CRIM1: variants seen among roughly 807,000 people sequenced by gnomAD.
CRIM1 encodes the protein cysteine rich transmembrane BMP regulator 1.
Under a neutral mutation model 116.4 loss-of-function variants are expected in CRIM1, and 32 were observed. The observed-to-expected ratio is 0.27, with a 90% CI of 0.21 to 0.37. The LOEUF (loss-of-function observed/expected upper bound fraction) is 0.37, where lower values mean the gene tolerates loss of function less well. Ranked by LOEUF, CRIM1 falls within the 10% of genes least tolerant of loss-of-function variation. CRIM1 has a pLI of 1.00. For missense variants in CRIM1, 1,331 were observed against 1,354.8 expected (o/e 0.98, Z 0.28); for synonymous variants, 590 against 509.2 (o/e 1.16, Z -2.13).
intron 1 of CRIM1, among the ~76,000 whole-genome samples, chr2:36,367,039 T>C (rs1459629971): frequency 1.3e-5 from 2 of 152,212 alleles, no homozygotes; most frequent in Non-Finnish European, 2.9e-5. Flanking sequence ...ACTTCCCATA[T>C]TTGGGAGCTT....
chr2:36,358,966 C>G (rs1464213653), intron 1 of CRIM1, among the ~76,000 whole-genome samples: 4 of 152,164 alleles, frequency 2.6e-5, no homozygotes, highest in African/African-American at 4.8e-5. Flanking sequence ...AACCGCCCCC[C>G]GCCTGCCATT....
At chr2:36,494,108 G>T (rs1367518774) in intron 7 of CRIM1, among the ~76,000 whole-genome samples, 1 of 152,164 alleles carries the variant, frequency 6.6e-6, no homozygotes, top group African/African-American at 2.4e-5. Context: ...TATAACACCT[G>T]AATAACCGAA....
intron 7 of CRIM1, among the ~76,000 whole-genome samples, chr2:36,490,139 C>T (rs936918921): frequency 2.0e-5 from 3 of 152,106 alleles, no homozygotes; most frequent in African/African-American, 7.2e-5. Context: ...ATCAGCTGTG[C>T]ATTTGAGGTC....
chr2:36,405,360 C>T (rs185799351), intron 2 of CRIM1, among the ~76,000 whole-genome samples: 3 of 152,278 alleles, frequency 2.0e-5, no homozygotes, highest in African/African-American at 7.2e-5. Flanking sequence ...AAACCTGCTG[C>T]CATTGCATAA....
At chr2:36,400,198 AG>A (rs971468727) in intron 2 of CRIM1, among the ~76,000 whole-genome samples, 3 of 152,202 alleles carry the variant, frequency 2.0e-5, no homozygotes, top group African/African-American at 7.2e-5. Context: ...TGGAGAGTAG[AG>A]GGGAGGTTCT....
At chr2:36,441,185 G>T (rs2124934855) in intron 2 of CRIM1, 73 bp from the exon 3 acceptor site, 2 of 1,589,306 alleles carry the variant, frequency 1.3e-6, no homozygotes, top group South Asian at 2.2e-5. Context: ...AGATCATCAG[G>T]ACTGTTTGTT....
At position 36,457,238 on chromosome 2, in the gene CRIM1, G is replaced by A. The variant is rs190992669; in HGVS notation, c.870-7296G>A. On this transcript the variant is annotated intron_variant, in intron 4 of 16. Coordinates refer to ENST00000280527, the MANE Select transcript of CRIM1 (RefSeq NM_016441.3). ...TAGCGGTGATTTGTGAGATTTTGGG[G>A]CACCCATCACCTGAACAGTATACAC... Among the ~76,000 whole-genome samples the A allele has an allele frequency of 2.3e-3, 343 of 151,998 alleles. 3 individuals carry two copies. The highest frequency in any genetic ancestry group is 1.3e-3 in the Non-Finnish European group (88 of 67,982).
chr2:36,387,121 A>T, intron 1 of CRIM1, among the ~76,000 whole-genome samples: 1 of 152,166 alleles, frequency 6.6e-6, no homozygotes, highest in East Asian at 1.9e-4. Flanking sequence ...ATCCTTAAGA[A>T]GTTTGGTTAG....
intron 13 of CRIM1, among the ~76,000 whole-genome samples, chr2:36,528,878 A>C: frequency 6.6e-6 from 1 of 152,174 alleles, no homozygotes; most frequent in Non-Finnish European, 1.5e-5. Context: ...TTTGGGTCTT[A>C]CCCTATGCCC....
In CRIM1 at chr2:36,522,280, T is replaced by C; in HGVS notation, c.2395T>C (p.Leu799=). Residue 799 remains leucine, a synonymous_variant, in exon 13 of 17, where the codon TTG becomes CTG. Transcript: ENST00000280527. ...TTCTGTATCCTGTGAAAGACCTGTC[T>C]TGAGAAAAGGCCAGTGTTGTCCCTA... is the stretch of plus-strand genomic sequence containing the variant. ...CPSVSCERPV[L]RKGQCCPYCI... 1 of 1,614,156 alleles carries C rather than the reference T, an allele frequency of 6.2e-7. No homozygotes were observed. The highest frequency in any genetic ancestry group is 8.5e-7 in the Non-Finnish European group (1 of 1,180,002).
At chr2:36,537,302 G>T (rs370639181) in intron 13 of CRIM1, 50 bp from the exon 14 acceptor site, 3 of 1,514,176 alleles carry the variant, frequency 2.0e-6, no homozygotes, top group African/African-American at 2.7e-5. Context: ...TAATAAGATC[G>T]TGTGCGTTGT....
intron 1 of CRIM1, among the ~76,000 whole-genome samples, chr2:36,384,154 T>A (rs1670992632): frequency 6.6e-6 from 1 of 152,164 alleles, no homozygotes; most frequent in Non-Finnish European, 1.5e-5. Flanking sequence ...AAGTTGAGGT[T>A]GATTGAAGAC....
chr2:36,422,690 CT>C (rs1258442215), intron 2 of CRIM1, among the ~76,000 whole-genome samples: 2 of 152,178 alleles, frequency 1.3e-5, no homozygotes, highest in Non-Finnish European at 2.9e-5. Flanking sequence ...TATAAATCAG[CT>C]TCATGAATTA....
At chr2:36,510,706 G>A (rs1664606107) in intron 9 of CRIM1, among the ~76,000 whole-genome samples, 2 of 151,958 alleles carry the variant, frequency 1.3e-5, no homozygotes, top group African/African-American at 4.8e-5. Context: ...ATACTTTATT[G>A]AGTCAAACCC....
chr2:36,428,172 G>T (rs1358155031), intron 2 of CRIM1, among the ~76,000 whole-genome samples: 1 of 152,226 alleles, frequency 6.6e-6, no homozygotes, highest in African/African-American at 2.4e-5. Flanking sequence ...GATGATGACT[G>T]TGTGTTTTGA....
chr2:36,472,950 ATGT>A (rs1403670560), intron 5 of CRIM1, among the ~76,000 whole-genome samples: 1 of 152,170 alleles, frequency 6.6e-6, no homozygotes, highest in East Asian at 1.9e-4. Flanking sequence ...TTCTGAAAAA[ATGT>A]TGTATCCATG....
chr2:36,512,165 T>A (rs1191814947), intron 9 of CRIM1, 108 bp from the exon 10 acceptor site: 22 of 1,311,416 alleles, frequency 1.7e-5, no homozygotes, highest in Middle Eastern at 1.9e-4. Context: ...AAAAGTCAAG[T>A]CATTCTGTTT....
chr2:36,479,139 A>G (rs537951004), intron 6 of CRIM1, among the ~76,000 whole-genome samples: 3 of 152,354 alleles, frequency 2.0e-5, no homozygotes, highest in Admixed American at 6.5e-5. Flanking sequence ...ATTTATGTCT[A>G]CAACTGCGAA....
At chr2:36,473,203 G>C (rs1678677606) in intron 5 of CRIM1, among the ~76,000 whole-genome samples, 1 of 152,174 alleles carries the variant, frequency 6.6e-6, no homozygotes, top group Non-Finnish European at 1.5e-5. Context: ...TGCGGTGAAA[G>C]TATTTTAGAC....
Sources: gnomAD v4.1 joint callset for allele counts (sites outside exome capture counted in the v4.1 genomes callset) on GRCh38, gnomAD v4.1.1 for gene constraint, MANE v1.5 for transcripts, NCBI Gene and HGNC (gene_info 2026-07-23, HGNC 2026-07-21) for gene names.